SPATS2: variants seen among roughly 807,000 people sequenced by gnomAD.
SPATS2 encodes the protein spermatogenesis-associated serine-rich protein 2.
A neutral mutation model predicts 63.7 loss-of-function variants in SPATS2; 38 were observed. That is an observed-to-expected ratio of 0.60 (90% CI 0.46 to 0.78). The LOEUF (loss-of-function observed/expected upper bound fraction) is 0.78. Among genes scored for constraint, SPATS2 ranks in the 30% least tolerant of loss-of-function variants. The probability of loss-of-function intolerance (pLI) is 0.00; values close to 1 mark genes in which losing one functional copy is unlikely to be tolerated. For missense variants in SPATS2, 588 were observed against 666.2 expected (o/e 0.88, Z 1.29); for synonymous variants, 207 against 232.9 (o/e 0.89, Z 1.01).
chr12:49,374,987 G>T (rs1046046340), intron 2 of SPATS2, among the ~76,000 whole-genome samples: 3 of 130,456 alleles, frequency 2.3e-5, no homozygotes, highest in African/African-American at 9.8e-5. Flanking sequence ...AAAAAAAAAG[G>T]CATAGGTTGA....
chr12:49,435,638 CTTTTTTTTTTTTT>C (rs34420984), intron 2 of SPATS2, among the ~76,000 whole-genome samples: 24 of 96,044 alleles, frequency 2.5e-4, no homozygotes, highest in South Asian at 1.2e-3. Flanking sequence ...TGAATGGTTT[CTTTTTTTTTTTTT>C]TTTTTTTTTT....
rs541827485 is a variant in SPATS2, at chr12:49,437,106, T to C, written c.-243-23664T>C. Among the ~76,000 whole-genome samples the C allele has an allele frequency of 1.6e-4, 24 of 146,860 alleles. No homozygotes were observed. In the South Asian group the frequency reaches 4.9e-3, roughly 30 times the overall value. Reference sequence around the variant, plus strand: ...TGCCGGGCGGAGGGGCTCCTCACTTTTCAGACGGTGTGGCTGCCGGGTGGA... The same window carrying C: ...TGCCGGGCGGAGGGGCTCCTCACTTCTCAGACGGTGTGGCTGCCGGGTGGA... On this transcript the variant is annotated intron_variant, in intron 2 of 13. Transcript: ENST00000552918.
intron 9 of SPATS2, among the ~76,000 whole-genome samples, chr12:49,512,311 C>T (rs1009537433): frequency 2.2e-4 from 33 of 152,154 alleles, no homozygotes; most frequent in African/African-American, 8.0e-4. Context: ...TGACAAACAA[C>T]AAACAAAAAG....
At chr12:49,501,821 G>A (rs903335340) in intron 9 of SPATS2, among the ~76,000 whole-genome samples, 7 of 152,140 alleles carry the variant, frequency 4.6e-5, no homozygotes, top group African/African-American at 1.7e-4. Context: ...GTTTCACCAT[G>A]TTGGCCAGGC....
chr12:49,488,666 A>G (rs1002640887), intron 4 of SPATS2, among the ~76,000 whole-genome samples: 1 of 152,170 alleles, frequency 6.6e-6, no homozygotes, highest in Non-Finnish European at 1.5e-5. Context: ...AAAATAAATA[A>G]ATAAGAGATG....
At chr12:49,476,814 C>T (rs1946126010) in intron 3 of SPATS2, among the ~76,000 whole-genome samples, 1 of 152,174 alleles carries the variant, frequency 6.6e-6, no homozygotes, top group Non-Finnish European at 1.5e-5. Flanking sequence ...CTCAATAGTT[C>T]TTGGAACTTG....
intron 3 of SPATS2, among the ~76,000 whole-genome samples, chr12:49,473,336 A>C (rs1946069889): frequency 6.6e-6 from 1 of 152,150 alleles, no homozygotes; most frequent in Non-Finnish European, 1.5e-5. Flanking sequence ...GAATCACTTG[A>C]GCCCAAGAGG....
chr12:49,495,350 C>T (rs1288160227), intron 7 of SPATS2, among the ~76,000 whole-genome samples: 6 of 152,046 alleles, frequency 3.9e-5, no homozygotes, highest in East Asian at 1.9e-4. Flanking sequence ...CCCGCCACCA[C>T]GCCTGGCTAA....
rs1944405696 is a variant in SPATS2 at position 49,390,810 on chromosome 12, A to G, written c.-244+19520A>G. On this transcript the variant is annotated intron_variant, in intron 2 of 13. Transcript: ENST00000552918. The stretch of plus-strand genomic sequence containing the variant: ...ATAAGAAATACCATTTCAGGAATGA[A>G]AAAGAAGGAATACTACTTTCTAAGA... 2.0e-5 allele frequency among the ~76,000 whole-genome samples: 3 copies of G among 152,246 alleles called. No individual in the cohort carries two copies. In the South Asian group the frequency reaches 6.2e-4, roughly 31 times the overall value.
intron 8 of SPATS2, among the ~76,000 whole-genome samples, chr12:49,497,418 T>G (rs1326707961): frequency 1.3e-5 from 2 of 148,270 alleles, no homozygotes; most frequent in East Asian, 4.0e-4. Flanking sequence ...CCCCCGAGAC[T>G]GAGTCTCACT....
At chr12:49,448,019 T>C (rs533427087) in intron 2 of SPATS2, among the ~76,000 whole-genome samples, 2 of 151,960 alleles carry the variant, frequency 1.3e-5, no homozygotes, top group Admixed American at 1.3e-4. Context: ...TTTTTCTAAT[T>C]TCTTAAATTG....
intron 2 of SPATS2, among the ~76,000 whole-genome samples, chr12:49,373,835 C>T (rs1465296933): frequency 1.3e-5 from 2 of 152,094 alleles, no homozygotes; most frequent in Non-Finnish European, 2.9e-5. Flanking sequence ...AGAAGAATTG[C>T]TTGAACCCAG....
intron 2 of SPATS2, among the ~76,000 whole-genome samples, chr12:49,412,231 G>C (rs990188060): frequency 5.3e-5 from 8 of 151,986 alleles, no homozygotes; most frequent in Non-Finnish European, 8.8e-5. Context: ...TTCTCTCTCT[G>C]TCGCCTAGGC....
In SPATS2 at chr12:49,494,832, A is replaced by G; in HGVS notation, c.356A>G (p.Gln119Arg). The change falls in exon 7 of 14, where the codon CAG (glutamine) becomes CGG (arginine). Residue 119 changes from glutamine (Q) to arginine (R), a missense_variant. Physicochemically the swap from Gln to Arg is conservative, Grantham distance 43. Transcript: ENST00000552918. ...AAATCAGTTTCCATTCAAGAGGAAC[A>G]GTCTGCGCCTTCCTCAGAGAAAGGT... ...SSKSVSIQEE[Q>R]SAPSSEKGGM... is the part of the protein sequence containing the mutation. 1 of 1,613,978 alleles carries G rather than the reference A, an allele frequency of 6.2e-7. No homozygotes were observed. Among genetic ancestry groups the G allele is most frequent in the Non-Finnish European group, 8.5e-7 (1 of 1,179,990 alleles).
Position 49,499,397 on chromosome 12 carries a change from T to A in SPATS2, c.704-673T>A, listed in dbSNP as rs1288277141. Among the ~76,000 whole-genome samples the A allele has an allele frequency of 5.1e-5, 4 of 77,824 alleles. No individual in the cohort carries two copies. In the African/African-American group the frequency reaches 5.3e-4, roughly 10 times the overall value. The allele number at this position is 77,824 out of a possible 152,430, so 51.1% of individuals were successfully genotyped here. ...CTGGGGATTGTTCTGCCTGGTTGTT[T>A]TGTTTTGTTTTGTTTTGTTTTGTTT... On this transcript the variant is annotated intron_variant, in intron 8 of 13. Transcript: ENST00000552918.
chr12:49,509,214 G>A (rs901143134), intron 9 of SPATS2, among the ~76,000 whole-genome samples: 2 of 151,140 alleles, frequency 1.3e-5, no homozygotes, highest in South Asian at 2.1e-4. Flanking sequence ...AGGAAAGAAA[G>A]GTTACTCCAT....
At chr12:49,507,403 T>TCTAG (rs1240420834) in intron 9 of SPATS2, among the ~76,000 whole-genome samples, 1 of 152,180 alleles carries the variant, frequency 6.6e-6, no homozygotes, top group African/African-American at 2.4e-5. Flanking sequence ...CCACACACAG[T>TCTAG]CTAGCTGTTG....
At chr12:49,510,772 T>C (rs960668786) in intron 9 of SPATS2, among the ~76,000 whole-genome samples, 3 of 152,182 alleles carry the variant, frequency 2.0e-5, no homozygotes, top group Non-Finnish European at 4.4e-5. Flanking sequence ...CAATGAATTA[T>C]TGAAGGCAAG....
At chr12:49,490,617 C>G in intron 5 of SPATS2, 65 bp from the exon 6 acceptor site, 1 of 1,454,416 alleles carries the variant, frequency 6.9e-7, no homozygotes, top group East Asian at 2.3e-5. Context: ...TGGGAGGACA[C>G]TGACTCCTGC....
Sources: allele counts gnomAD v4.1 joint callset (sites outside exome capture counted in the v4.1 genomes callset), GRCh38; gene constraint gnomAD v4.1.1; transcripts MANE v1.5; gene names NCBI Gene and HGNC (gene_info 2026-07-23, HGNC 2026-07-21).